OR2C1: variants seen among roughly 807,000 people sequenced by gnomAD.
OR2C1 encodes olfactory receptor 2C1.
For synonymous variants in OR2C1, 209 were observed against 167.3 expected (o/e 1.25, Z -1.92); for missense variants, 468 against 388.3 (o/e 1.21, Z -1.73).
chr16:3,347,720 C>G, the OR2C1 span, among the ~76,000 whole-genome samples: 1 of 152,032 alleles, frequency 6.6e-6, no homozygotes, highest in African/African-American at 2.4e-5. Flanking sequence ...CATGTGAGAA[C>G]CTGCAAATCT....
the OR2C1 span, among the ~76,000 whole-genome samples, chr16:3,344,016 T>C: frequency 5.3e-5 from 8 of 151,996 alleles, no homozygotes; most frequent in East Asian, 3.9e-4. Context: ...GTCAGGAGTT[T>C]GAGACCAGCC....
the OR2C1 span, among the ~76,000 whole-genome samples, chr16:3,332,786 C>T: frequency 0.72 from 108,064 of 151,118 alleles, 38,796 homozygotes; most frequent in South Asian, 0.81. Flanking sequence ...CATTGATGGA[C>T]GCTTAGGTCG....
chr16:3,357,817 A>T (rs921342669), downstream of OR2C1, among the ~76,000 whole-genome samples: 1 of 151,900 alleles, frequency 6.6e-6, no homozygotes, highest in Non-Finnish European at 1.5e-5. Context: ...CACTGTCTCC[A>T]CTAAAAATAC....
chr16:3,353,160 A>T (rs1325349191), upstream of OR2C1, among the ~76,000 whole-genome samples: 1 of 151,514 alleles, frequency 6.6e-6, no homozygotes. Flanking sequence ...TTATCCGGTT[A>T]GTAACTCAGT....
At chr16:3,332,224 A>G in the OR2C1 span, among the ~76,000 whole-genome samples, 1 of 151,962 alleles carries the variant, frequency 6.6e-6, no homozygotes, top group Admixed American at 6.6e-5. Context: ...CTTAAAGTAT[A>G]ATAATAATCA....
chr16:3,337,800 A>G, the OR2C1 span, among the ~76,000 whole-genome samples: 1 of 148,604 alleles, frequency 6.7e-6, no homozygotes, highest in African/African-American at 2.4e-5. Context: ...TTTGCTGTTG[A>G]TTCTTGTGGA....
upstream of OR2C1, among the ~76,000 whole-genome samples, chr16:3,352,974 C>G (rs1403336428): frequency 1.3e-5 from 2 of 151,178 alleles, no homozygotes; most frequent in Non-Finnish European, 1.5e-5. Flanking sequence ...AACTCCCGAC[C>G]TCAAGTGATC....
the OR2C1 span, among the ~76,000 whole-genome samples, chr16:3,333,346 A>T: frequency 1.0e-4 from 15 of 148,366 alleles, no homozygotes; most frequent in African/African-American, 3.8e-4. Flanking sequence ...ATTTTAGTTT[A>T]GTTTATTTGA....
At chr16:3,344,312 T>C in the OR2C1 span, among the ~76,000 whole-genome samples, 3 of 152,050 alleles carry the variant, frequency 2.0e-5, no homozygotes, top group South Asian at 4.2e-4. Context: ...AATGGGCAAT[T>C]TACAGAAGGA....
the OR2C1 span, among the ~76,000 whole-genome samples, chr16:3,335,520 CTTTTTTTTTTT>C: frequency 1.8e-5 from 1 of 55,410 alleles, no homozygotes; most frequent in Non-Finnish European, 3.1e-5. Flanking sequence ...AATGCTACTG[CTTTTTTTTTTT>C]TTTTTTTTTT....
chr16:3,348,958 C>A, the OR2C1 span, among the ~76,000 whole-genome samples: 1 of 152,106 alleles, frequency 6.6e-6, no homozygotes, highest in African/African-American at 2.4e-5. Context: ...AGGATGACAG[C>A]TCTCAGATTA....
downstream of OR2C1, among the ~76,000 whole-genome samples, chr16:3,357,933 A>T (rs926288828): frequency 6.6e-6 from 1 of 152,068 alleles, no homozygotes; most frequent in Non-Finnish European, 1.5e-5. Flanking sequence ...GTGAGCTGAG[A>T]TCGTGCCATT....
the OR2C1 span, among the ~76,000 whole-genome samples, chr16:3,331,323 C>T: frequency 6.6e-6 from 1 of 151,554 alleles, no homozygotes. Flanking sequence ...AAAATTTTCT[C>T]CCATTTTGTA....
chr16:3,353,086 C>G (rs1448925088), upstream of OR2C1, among the ~76,000 whole-genome samples: 3 of 151,934 alleles, frequency 2.0e-5, no homozygotes, highest in African/African-American at 7.3e-5. Context: ...GAACAAGCAC[C>G]TGAACTGGCA....
At chr16:3,351,220 C>CTTTTTTTTT (rs779814781), upstream of OR2C1, among the ~76,000 whole-genome samples, 4 of 18,654 alleles carry the variant, frequency 2.1e-4, no homozygotes, top group African/African-American at 8.3e-4. Context: ...TTTTCTTTTT[C>CTTTTTTTTT]TTTTTCTTTT....
rs775180803 is a variant in OR2C1 at position 3,356,362 on chromosome 16, G to C, written c.422G>C (p.Cys141Ser). 1.2e-6 allele frequency: 2 copies of C among 1,613,506 alleles called. No homozygotes were observed. The highest frequency in any genetic ancestry group is 1.1e-5 in the South Asian group (1 of 91,088). ...RYTAIMNPQL[C>S]WLLAVIACLG... ...ACCGCCATCATGAACCCCCAGCTCT[G>C]CTGGCTGCTGGCTGTGATTGCCTGC... Residue 141 changes from cysteine (C) to serine (S), a missense_variant, in exon 1 of 1, where the codon TGC becomes TCC. Coordinates refer to ENST00000304936, the MANE Select transcript of OR2C1 (RefSeq NM_012368.3).
chr16:3,351,905 T>C (rs2030579369), upstream of OR2C1, among the ~76,000 whole-genome samples: 3 of 123,294 alleles, frequency 2.4e-5, no homozygotes, highest in African/African-American at 9.8e-5. Flanking sequence ...TTTTTTTTTT[T>C]CGTATTTTGT....
At chr16:3,339,401 GTAATTCTGT>G in the OR2C1 span, among the ~76,000 whole-genome samples, 1 of 151,924 alleles carries the variant, frequency 6.6e-6, no homozygotes, top group African/African-American at 2.4e-5. Context: ...GGGTTGTATG[GTAATTCTGT>G]TTATTTTTTG....
the OR2C1 span, among the ~76,000 whole-genome samples, chr16:3,325,460 A>ACT: frequency 1.1e-5 from 1 of 93,176 alleles, no homozygotes; most frequent in South Asian, 3.0e-4. Context: ...TATGTCTAAA[A>ACT]ATATATATAT....
Sources: allele counts gnomAD v4.1 joint callset (sites outside exome capture counted in the v4.1 genomes callset), GRCh38; gene constraint gnomAD v4.1.1; transcripts MANE v1.5; gene names NCBI Gene and HGNC (gene_info 2026-07-23, HGNC 2026-07-21).